CAMK2D: variants seen among roughly 807,000 people sequenced by gnomAD.
CAMK2D encodes the protein calcium/calmodulin-dependent protein kinase type II subunit delta.
Under a neutral mutation model 84.0 loss-of-function variants are expected in CAMK2D, and 37 were observed. The ratio of observed to expected loss-of-function variants is 0.44; its 90% CI spans 0.34 to 0.58. The LOEUF is 0.58. Among genes scored for constraint, CAMK2D ranks in the 20% least tolerant of loss-of-function variants. The pLI is 0.02. For missense variants in CAMK2D, 448 were observed against 652.5 expected (o/e 0.69, Z 3.41); for synonymous variants, 202 against 212.5 (o/e 0.95, Z 0.43).
At chr4:113,529,436 C>T (rs2098443565) in intron 8 of CAMK2D, among the ~76,000 whole-genome samples, 1 of 152,150 alleles carries the variant, frequency 6.6e-6, no homozygotes, top group Admixed American at 6.6e-5. Flanking sequence ...TCCAAGCTTG[C>T]TGACAAACAC....
chr4:113,660,263 T>A (rs2154311200), intron 3 of CAMK2D, among the ~76,000 whole-genome samples: 1 of 152,362 alleles, frequency 6.6e-6, no homozygotes, highest in African/African-American at 2.4e-5. Flanking sequence ...TACTTTTTCT[T>A]TCCTGTGTTT....
intron 8 of CAMK2D, among the ~76,000 whole-genome samples, chr4:113,530,322 T>A (rs2079118): frequency 0.63 from 95,314 of 152,082 alleles, 31,337 homozygotes; most frequent in African/African-American, 0.82. Flanking sequence ...ATTTTAAATA[T>A]TTTTTAGCAT....
At chr4:113,590,735 T>C (rs1479831012) in intron 4 of CAMK2D, among the ~76,000 whole-genome samples, 1 of 94,234 alleles carries the variant, frequency 1.1e-5, no homozygotes, top group East Asian at 2.6e-4. Context: ...TTCTCTTTCA[T>C]ATATTCTTTA....
At chr4:113,610,586 T>G (rs893560876) in intron 3 of CAMK2D, among the ~76,000 whole-genome samples, 2 of 152,286 alleles carry the variant, frequency 1.3e-5, no homozygotes, top group East Asian at 3.9e-4. Flanking sequence ...TATTAAAATA[T>G]TTTCTGAATC....
intron 4 of CAMK2D, among the ~76,000 whole-genome samples, chr4:113,568,805 C>T (rs2098738435): frequency 6.6e-6 from 1 of 151,802 alleles, no homozygotes; most frequent in South Asian, 2.1e-4. Context: ...GTGTGAAGTA[C>T]TATTTCACGG....
chr4:113,462,290 G>GTC (rs2097391364), intron 17 of CAMK2D, among the ~76,000 whole-genome samples: 3 of 91,676 alleles, frequency 3.3e-5, no homozygotes, highest in Non-Finnish European at 7.3e-5. Context: ...GTGTGTGTGT[G>GTC]TGTGTCTGTC....
chr4:113,737,088 T>C (rs1303988349), intron 2 of CAMK2D, among the ~76,000 whole-genome samples: 1 of 152,166 alleles, frequency 6.6e-6, no homozygotes, highest in East Asian at 1.9e-4. Context: ...CTGTGTACAA[T>C]AAAGAAATCA....
At chr4:113,548,508 G>A in intron 5 of CAMK2D, 4 of 521,196 alleles carry the variant, frequency 7.7e-6, no homozygotes, top group Non-Finnish European at 1.3e-5. Flanking sequence ...ACTGGAAGAG[G>A]CATCATGCAT....
intron 2 of CAMK2D, among the ~76,000 whole-genome samples, chr4:113,672,281 G>T (rs941986171): frequency 3.3e-5 from 5 of 152,060 alleles, no homozygotes; most frequent in Non-Finnish European, 5.9e-5. Context: ...TAAAGAAATT[G>T]GCTTCCAGTA....
intron 2 of CAMK2D, among the ~76,000 whole-genome samples, chr4:113,741,454 A>G (rs2099592717): frequency 6.6e-6 from 1 of 152,124 alleles, no homozygotes; most frequent in Admixed American, 6.6e-5. Flanking sequence ...TACTGTGACT[A>G]ATTTATAAAT....
chr4:113,468,857 C>T (rs1250116602), intron 16 of CAMK2D, among the ~76,000 whole-genome samples: 6 of 152,154 alleles, frequency 3.9e-5, no homozygotes, highest in Admixed American at 3.9e-4. Flanking sequence ...TTCTTCCACT[C>T]CAGAGCTAGC....
chr4:113,457,929 CCT>C (rs1398715896), intron 18 of CAMK2D, among the ~76,000 whole-genome samples: 2 of 152,154 alleles, frequency 1.3e-5, no homozygotes, highest in East Asian at 3.8e-4. Flanking sequence ...AAGCACTGCC[CCT>C]GTCTTTTCCA....
intron 16 of CAMK2D, among the ~76,000 whole-genome samples, chr4:113,474,590 T>A (rs1332238827): frequency 6.7e-6 from 1 of 150,024 alleles, no homozygotes; most frequent in African/African-American, 2.4e-5. Flanking sequence ...TGCTAATCAA[T>A]TTTATATTAG....
chr4:113,581,936 G>A (rs1210136215), intron 4 of CAMK2D, among the ~76,000 whole-genome samples: 1 of 152,178 alleles, frequency 6.6e-6, no homozygotes, highest in African/African-American at 2.4e-5. Context: ...AAGGTACTAT[G>A]CTCATCTCCC....
chr4:113,527,265 T>G (rs894454208), intron 8 of CAMK2D, among the ~76,000 whole-genome samples: 10 of 152,032 alleles, frequency 6.6e-5, no homozygotes, highest in Non-Finnish European at 1.3e-4. Context: ...AATACAGTTT[T>G]TTTTTTTCTT....
chr4:113,607,696 C>T (rs1425911136), intron 4 of CAMK2D, among the ~76,000 whole-genome samples: 6 of 152,110 alleles, frequency 3.9e-5, no homozygotes, highest in Non-Finnish European at 7.4e-5. Context: ...TGTCCCACCC[C>T]TATCTCCCTT....
intron 2 of CAMK2D, chr4:113,677,681 A>C (rs2099324366): frequency 5.2e-6 from 1 of 190,804 alleles, no homozygotes; most frequent in African/African-American, 2.4e-5. Context: ...TTCAATGATT[A>C]CTGGATTGAC....
intron 16 of CAMK2D, among the ~76,000 whole-genome samples, chr4:113,498,423 G>A (rs961533634): frequency 1.3e-5 from 2 of 152,120 alleles, no homozygotes; most frequent in African/African-American, 4.8e-5. Context: ...AAGGCTGTCT[G>A]GGTCTTACAG....
At chr4:113,588,431 T>C (rs971604625) in intron 4 of CAMK2D, among the ~76,000 whole-genome samples, 7 of 152,204 alleles carry the variant, frequency 4.6e-5, no homozygotes, top group Non-Finnish European at 1.0e-4. Context: ...ATTTAGACCA[T>C]ACAGGCATAA....
Sources: allele counts gnomAD v4.1 joint callset (sites outside exome capture counted in the v4.1 genomes callset), GRCh38; gene constraint gnomAD v4.1.1; transcripts MANE v1.5; gene names NCBI Gene and HGNC (gene_info 2026-07-23, HGNC 2026-07-21).